The following LRP1 variants were observed in gnomAD, a reference collection of about 807,000 sequenced individuals.
LRP1 encodes the protein prolow-density lipoprotein receptor-related protein 1.
In LRP1, 51 loss-of-function variants were observed where a neutral mutation model predicts 541.5. The ratio of observed to expected loss-of-function variants is 0.09; its 90% CI spans 0.08 to 0.12. The LOEUF is 0.12. Among genes scored for constraint, LRP1 ranks in the 10% least tolerant of loss-of-function variants. The pLI is 1.00. For synonymous variants in LRP1, 2,219 were observed against 2,470.8 expected, an observed-to-expected ratio of 0.90 and a Z score of 3.02; for missense variants, 3,878 against 6,376.2, an observed-to-expected ratio of 0.61 and a Z score of 13.34.
chr12:57,178,537 G>A lies in LRP1; in HGVS notation c.4540G>A (p.Val1514Met), dbSNP rs370442828. The change falls in exon 27 of 89, where the codon GTG (valine) becomes ATG (methionine). Residue 1514 changes from valine (V) to methionine (M), a missense_variant. By Grantham distance (21) the Val-to-Met change is conservative. Transcript: ENST00000243077. This position sits in a 1 kb window ranked among gnomAD's most constrained non-coding sequence, Gnocchi z 5.8. ...CAAGTGGACCGGCCACAATGTCACC[G>A]TGGTACAGAGGACCAACACCCAGCC... ...ANKWTGHNVTVVQRTNTQPFD... is the reference protein window; with the variant it reads ...ANKWTGHNVTMVQRTNTQPFD... 15 of 1,614,218 alleles carry A rather than the reference G, an allele frequency of 9.3e-6. No homozygotes were observed. The highest frequency in any genetic ancestry group is 2.2e-5 in the East Asian group (1 of 44,886).
Position 57,138,464 on chromosome 12 carries a change from A to G in LRP1, c.73A>G (p.Lys25Glu). ...CTTTTCTTTCCTTGCCCTAGCCCCT[A>G]AGACTTGCAGCCCCAAGCAGTTTGC... ...ALVAAAIDAP[K>E]TCSPKQFACR... Residue 25 changes from lysine to glutamate, a missense_variant, in exon 2 of 89, where the codon AAG becomes GAG. Physicochemically the swap from Lys to Glu is moderately conservative, Grantham distance 56 (BLOSUM62 1). Around this residue, in one of 13 missense-constraint regions of LRP1, gnomAD observed 293 missense variants for 403.7 expected, o/e 0.73. Transcript: ENST00000243077. 1 of 1,613,840 alleles carries G rather than the reference A, an allele frequency of 6.2e-7. No individual in the cohort carries two copies.
intron 44 of LRP1, among the ~76,000 whole-genome samples, chr12:57,192,285 CGCA>C (rs2036428627): frequency 6.6e-6 from 1 of 152,118 alleles, no homozygotes; most frequent in African/African-American, 2.4e-5. Flanking sequence ...AAGGCATCTA[CGCA>C]CACAGATGGA....
In LRP1 at chr12:57,138,557, G is replaced by A. The variant is rs769357593; in HGVS notation, c.166G>A (p.Gly56Arg). 5.0e-5 allele frequency: 81 copies of A among 1,613,904 alleles called. No homozygotes were observed. Among genetic ancestry groups the A allele is most frequent in the South Asian group, 2.0e-4 (18 of 91,074 alleles). Reference sequence around the variant, plus strand: ...CGACGGTGAGAGGGACTGCCCAGACGGATCTGACGAGGCCCCTGAGATTTG... The same window carrying A: ...CGACGGTGAGAGGGACTGCCCAGACAGATCTGACGAGGCCCCTGAGATTTG... Reference protein sequence around the residue: ...RCDGERDCPDGSDEAPEICPQ... With the variant: ...RCDGERDCPDRSDEAPEICPQ... Residue 56 changes from glycine to arginine, a missense_variant, in exon 2 of 89, where the codon GGA (glycine) becomes AGA (arginine). Gly to Arg is a moderately radical substitution (Grantham distance 125). Transcript: ENST00000243077.
Position 57,141,447 on chromosome 12 carries a change from G to A in LRP1, c.264G>A (p.Met88Ile), listed in dbSNP as rs1592603815. The A allele has an allele frequency of 6.2e-7, 1 of 1,614,114 alleles. No homozygotes were observed. The highest frequency in any genetic ancestry group is 8.5e-7 in the Non-Finnish European group (1 of 1,180,002). Residue 88 changes from methionine to isoleucine, a missense_variant, in exon 3 of 89, where the codon ATG becomes ATA. Physicochemically the swap from Met to Ile is conservative, Grantham distance 10. Transcript: ENST00000243077. ...NCLGTELCVP[M>I]SRLCNGVQDC... The stretch of plus-strand genomic sequence containing the variant: ...TGGGTACTGAGCTGTGTGTTCCCAT[G>A]TCCCGCCTCTGCAATGGGGTCCAGG...
chr12:57,163,096 G>C, intron 15 of LRP1, 113 bp downstream of exon 15: 2 of 1,404,326 alleles, frequency 1.4e-6, no homozygotes, highest in Non-Finnish European at 1.9e-6. Flanking sequence ...GGCAATGAGG[G>C]GCCCTTAGGG....
intron 23 of LRP1, 44 bp from the exon 24 acceptor site, chr12:57,175,865 G>A (rs1300331924): frequency 6.2e-7 from 1 of 1,602,548 alleles, no homozygotes; most frequent in East Asian, 2.2e-5. Flanking sequence ...TGGCACACAG[G>A]CAGCTAGCCC....
rs2036232320 is a variant in LRP1, at chr12:57,184,602, C to A, written c.6186+150C>A. ...CCCTCCACCCAGAGTAGGACTCCTG[C>A]TACCACAGAGATGATGGGCAGGGGT... On this transcript the variant is annotated intron_variant, in intron 38 of 88. Coordinates refer to ENST00000243077, the MANE Select transcript of LRP1 (RefSeq NM_002332.3). This position sits in a 1 kb window ranked among gnomAD's most constrained non-coding sequence, Gnocchi z 7.8. 2 of 1,241,798 alleles carry A rather than the reference C, an allele frequency of 1.6e-6. No homozygotes were observed. The highest frequency in any genetic ancestry group is 2.2e-6 in the Non-Finnish European group (2 of 903,996). 76.9% of individuals were successfully genotyped at this position (1,241,798 alleles called of 1,614,324 possible).
Position 57,176,002 on chromosome 12 carries a change from T to C in LRP1, c.3887T>C (p.Leu1296Pro). 6.2e-7 allele frequency: 1 copy of C among 1,614,210 alleles called. No individual in the cohort carries two copies. The highest frequency in any genetic ancestry group is 8.5e-7 in the Non-Finnish European group (1 of 1,180,040). Residue 1296 changes from leucine to proline, a missense_variant, in exon 24 of 89, where the codon CTG becomes CCG. Leu to Pro is a moderately conservative substitution (Grantham distance 98). Transcript: ENST00000243077. ...KGDYSVLVPG[L>P]RNTIALDFHL... is the part of the protein sequence containing the mutation. ...GACTACAGCGTCCTGGTGCCCGGCCTGCGCAACACCATCGCCCTGGACTTC... is the reference window on the plus strand; with the variant it reads ...GACTACAGCGTCCTGGTGCCCGGCCCGCGCAACACCATCGCCCTGGACTTC...
chr12:57,162,243 T>G lies in LRP1; in HGVS notation c.2203-74T>G. 8.0e-7 allele frequency: 1 copy of G among 1,242,470 alleles called. No homozygotes were observed. The highest frequency in any genetic ancestry group is 1.2e-5 in the South Asian group (1 of 83,224). 77.0% of individuals were successfully genotyped at this position (1,242,470 alleles called of 1,614,324 possible). On this transcript the variant is annotated intron_variant, in intron 13 of 88. Transcript: ENST00000243077. The surrounding 1 kb of genome is among the most constrained non-coding windows in gnomAD (Gnocchi z 5.2). ...CATGCCCAGGACATAGACAAATGAA[T>G]GTACAAAACAGTGATCTCACAGGCC...
intron 1 of LRP1, among the ~76,000 whole-genome samples, chr12:57,136,404 C>A (rs532728079): frequency 1.7e-4 from 25 of 148,364 alleles, no homozygotes; most frequent in Admixed American, 1.1e-3. Context: ...AGCCCCCCCC[C>A]CCCGCCATTT....
intron 55 of LRP1, among the ~76,000 whole-genome samples, chr12:57,196,666 C>T (rs781027750): frequency 1.3e-5 from 2 of 152,114 alleles, no homozygotes; most frequent in Non-Finnish European, 2.9e-5. Context: ...GTCTGAGCCC[C>T]GAGCTGAGCA....
In LRP1 at chr12:57,210,025, G is replaced by A. The variant is rs1416790453; in HGVS notation, c.12440-4G>A. 6.2e-7 allele frequency: 1 copy of A among 1,604,550 alleles called. No homozygotes were observed. The highest frequency in any genetic ancestry group is 1.1e-5 in the South Asian group (1 of 89,418). On this transcript the variant is annotated splice_polypyrimidine_tract_variant and splice_region_variant and intron_variant, in intron 80 of 88. Coordinates refer to ENST00000243077, the MANE Select transcript of LRP1 (RefSeq NM_002332.3). ...CATCCTCCCCACCCCACCCATACCT[G>A]CAGTGACCAACCCATGTGACCGCAA...
rs759345219 is a variant in LRP1 at position 57,200,545 on chromosome 12, T to C, written c.10108+10T>C. The C allele has an allele frequency of 1.2e-6, 2 of 1,611,000 alleles. No homozygotes were observed. Among genetic ancestry groups the C allele is most frequent in the Non-Finnish European group, 1.7e-6 (2 of 1,177,828 alleles). ...GAGCCCCCGGACTGCCGTGAGTGCC[T>C]GCTGGGGGTGACAGGAGGGCCCCCA... On this transcript the variant is annotated intron_variant, in intron 63 of 88. Transcript: ENST00000243077.
intron 42 of LRP1, among the ~76,000 whole-genome samples, chr12:57,188,429 A>T (rs773444218): frequency 2.0e-5 from 3 of 152,024 alleles, no homozygotes; most frequent in Non-Finnish European, 4.4e-5. Flanking sequence ...CAGTCCCCCA[A>T]TGTCAGTCAC....
Position 57,212,228 on chromosome 12 carries a change from ACTGGACGCTGACTTTGCC to A in LRP1, c.13468_13485del (p.Ala4490_Asp4495del). The A allele has an allele frequency of 6.2e-7, 1 of 1,613,804 alleles. No individual in the cohort carries two copies. The highest frequency in any genetic ancestry group is 8.5e-7 in the Non-Finnish European group (1 of 1,179,968). On this transcript the variant is annotated inframe_deletion, in exon 88 of 89. Transcript: ENST00000243077. This position sits in a 1 kb window ranked among gnomAD's most constrained non-coding sequence, Gnocchi z 5.0. ...GAGAGCCTGATGATGTGGGAGGCCT[ACTGGACGCTGACTTTGCC>A]CTGGACCCTGACAAGGTGGGCTGGG...
intron 70 of LRP1, chr12:57,203,733 T>C: frequency 1.6e-6 from 1 of 616,586 alleles, no homozygotes; most frequent in South Asian, 2.5e-5. Flanking sequence ...TTTGTGCGGG[T>C]TGTGCCCAGC....
chr12:57,197,403 C>T lies in LRP1; in HGVS notation c.9162+19C>T. On this transcript the variant is annotated intron_variant, in intron 57 of 88. Transcript: ENST00000243077. The surrounding 1 kb of genome is among the most constrained non-coding windows in gnomAD (Gnocchi z 4.5). ...TAAGCAGGTACCAAACCCAGGCCCTCCTCCCCGCTGCCCATCTCCCAGACC... is the reference window on the plus strand; with the variant it reads ...TAAGCAGGTACCAAACCCAGGCCCTTCTCCCCGCTGCCCATCTCCCAGACC... The T allele has an allele frequency of 6.2e-7, 1 of 1,610,880 alleles. No individual in the cohort carries two copies.
At chr12:57,153,317 CCCTTGCCCTGCCTCTCTTT>C (rs1034139589) in intron 6 of LRP1, among the ~76,000 whole-genome samples, 1 of 152,152 alleles carries the variant, frequency 6.6e-6, no homozygotes, top group African/African-American at 2.4e-5. Context: ...CTTCCGGCCA[CCCTTGCCCTGCCTCTCTTT>C]CCTTTGGCTC....
At chr12:57,136,065 C>T (rs1027625362) in intron 1 of LRP1, among the ~76,000 whole-genome samples, 1 of 152,256 alleles carries the variant, frequency 6.6e-6, no homozygotes, top group Non-Finnish European at 1.5e-5. Flanking sequence ...TCTTCCCCCT[C>T]AGCCGGCCAC....
Sources: allele counts gnomAD v4.1 joint callset (sites outside exome capture counted in the v4.1 genomes callset), GRCh38; gene constraint gnomAD v4.1.1; regional missense constraint gnomAD v4.1.1; non-coding constraint Gnocchi (gnomAD v3.1); transcripts MANE v1.5; gene names NCBI Gene and HGNC (gene_info 2026-07-23, HGNC 2026-07-21).